NDUFB7: variants seen among roughly 807,000 people sequenced by gnomAD.
NDUFB7 encodes the protein NADH:ubiquinone oxidoreductase subunit B7, also known as NADH dehydrogenase [ubiquinone] 1 beta subcomplex subunit 7.
A neutral mutation model predicts 14.7 loss-of-function variants in NDUFB7; 18 were observed. The observed-to-expected ratio is 1.22, with a 90% CI of 0.85 to 1.81. NDUFB7 has a LOEUF of 1.81. Ranked by LOEUF, NDUFB7 falls within the 40% of genes most tolerant of loss-of-function variation. The probability of loss-of-function intolerance (pLI) is 0.00; values close to 1 mark genes in which losing one functional copy is unlikely to be tolerated. For missense variants in NDUFB7, 219 were observed against 195.0 expected (o/e 1.12, Z -0.73); for synonymous variants, 86 against 76.1 (o/e 1.13, Z -0.68).
intron 1 of NDUFB7, among the ~76,000 whole-genome samples, chr19:14,569,713 C>T (rs1305391307): frequency 6.6e-6 from 1 of 152,126 alleles, no homozygotes; most frequent in Non-Finnish European, 1.5e-5. Context: ...TATACCATCT[C>T]CCAACTTTCT....
At position 14,566,129 on chromosome 19, in the gene NDUFB7, C is replaced by T. The variant is rs10406588; in HGVS notation, c.*4G>A. The T allele has an allele frequency of 6.2e-3, 10,034 of 1,608,146 alleles. 564 individuals are homozygous for T. In the African/African-American group the frequency reaches 0.12, roughly 19 times the overall value. On this transcript the variant is annotated 3_prime_UTR_variant, in exon 3 of 3. Transcript: ENST00000215565. ...ACTGGTCCATAGGGTGGGGGGTGCA[C>T]CCCCTACAGGGCCACCTTGGGGTCC...
At chr19:14,571,840 G>C in intron 1 of NDUFB7, 49 bp downstream of exon 1, 1 of 1,551,710 alleles carries the variant, frequency 6.4e-7, no homozygotes, top group Non-Finnish European at 8.8e-7. Flanking sequence ...CAGGTGTTCA[G>C]GCACCCGCGC....
chr19:14,569,676 T>G (rs2074113580), intron 1 of NDUFB7, among the ~76,000 whole-genome samples: 1 of 152,198 alleles, frequency 6.6e-6, no homozygotes, highest in Non-Finnish European at 1.5e-5. Flanking sequence ...GCGGAAGGAC[T>G]ACCCGGAGTG....
chr19:14,567,004 C>T lies in NDUFB7; in HGVS notation c.113-71G>A, dbSNP rs911899380. The T allele has an allele frequency of 2.9e-5, 42 of 1,460,128 alleles. No homozygotes were observed. Among genetic ancestry groups the T allele is most frequent in the South Asian group, 6.5e-5 (5 of 77,350 alleles). The allele number at this position is 1,460,128 out of a possible 1,614,324, so 90.4% of individuals were successfully genotyped here. A position where few individuals can be genotyped will look rare whatever the true frequency, so the allele number is the denominator to read the frequency against. ...CCAATTCCGGGGATCCCCAGGGGAC[C>T]GAGGCACACGGCTTCAGGAAGGCAC... On this transcript the variant is annotated intron_variant, in intron 1 of 2. Coordinates refer to ENST00000215565, the MANE Select transcript of NDUFB7 (RefSeq NM_004146.6). This position sits in a 1 kb window ranked among gnomAD's most constrained non-coding sequence, Gnocchi z 5.1.
chr19:14,571,829 CCAGGTGTT>C (rs2074126707), intron 1 of NDUFB7, 52 bp downstream of exon 1: 3 of 1,502,412 alleles, frequency 2.0e-6, no homozygotes, highest in Non-Finnish European at 2.7e-6. Context: ...CCCTGGGGTG[CCAGGTGTT>C]CAGGCACCCG....
rs753382531 is a variant in NDUFB7, at chr19:14,566,122, G to T, written c.*11C>A. ...TTATTTGACTGGTCCATAGGGTGGG[G>T]GGTGCACCCCCTACAGGGCCACCTT... On this transcript the variant is annotated 3_prime_UTR_variant, in exon 3 of 3. Transcript: ENST00000215565. 6.2e-7 allele frequency: 1 copy of T among 1,605,986 alleles called. No individual in the cohort carries two copies. The highest frequency in any genetic ancestry group is 8.5e-7 in the Non-Finnish European group (1 of 1,176,228).
Position 14,571,950 on chromosome 19 carries a change from G to A in NDUFB7, c.51C>T (p.Pro17=), listed in dbSNP as rs2074127983. 1 of 1,611,476 alleles carries A rather than the reference G, an allele frequency of 6.2e-7. No homozygotes were observed. The highest frequency in any genetic ancestry group is 1.7e-5 in the Admixed American group (1 of 59,680). The change falls in exon 1 of 3, where the codon CCC becomes CCT. Residue 17 remains proline (P), a synonymous_variant. Coordinates refer to ENST00000215565, the MANE Select transcript of NDUFB7 (RefSeq NM_004146.6). The stretch of plus-strand genomic sequence containing the variant: ...GGAAGGTTGGCATCTGCAGGGGGTC[G>A]GGCTCCACCGAGGCATCGCCCAGGT... The part of the protein sequence containing the change: ...RRYLGDASVE[P]DPLQMPTFPP...
rs549959826 is a variant in NDUFB7, at chr19:14,571,834, T to C, written c.112+55A>G. On this transcript the variant is annotated intron_variant, in intron 1 of 2. Transcript: ENST00000215565. ...GGGGTGCCAGCCCTGGGGTGCCAGG[T>C]GTTCAGGCACCCGCGCCCCACGCCC... The C allele has an allele frequency of 3.4e-5, 51 of 1,508,110 alleles. 1 individual carries two copies. The East Asian group carries it at 1.2e-3, about 36-fold the overall frequency. The allele number at this position is 1,508,110 out of a possible 1,614,324, so 93.4% of individuals were successfully genotyped here.
chr19:14,569,099 G>A (rs182723280), intron 1 of NDUFB7, among the ~76,000 whole-genome samples: 126 of 152,092 alleles, frequency 8.3e-4, no homozygotes, highest in Middle Eastern at 3.4e-3. Context: ...CGCTTGAACC[G>A]GGAAGGCAGA....
At chr19:14,569,215 TAAGAGA>T (rs2074110539) in intron 1 of NDUFB7, among the ~76,000 whole-genome samples, 1 of 150,794 alleles carries the variant, frequency 6.6e-6, no homozygotes, top group African/African-American at 2.4e-5. Context: ...ATCCGGGAGG[TAAGAGA>T]AAGGCCAGGC....
Position 14,566,129 on chromosome 19 carries a change from C to A in NDUFB7, c.*4G>T. ...ACTGGTCCATAGGGTGGGGGGTGCACCCCCTACAGGGCCACCTTGGGGTCC... is the reference window on the plus strand; with the variant it reads ...ACTGGTCCATAGGGTGGGGGGTGCAACCCCTACAGGGCCACCTTGGGGTCC... On this transcript the variant is annotated 3_prime_UTR_variant, in exon 3 of 3. Coordinates refer to ENST00000215565, the MANE Select transcript of NDUFB7 (RefSeq NM_004146.6). The A allele has an allele frequency of 6.2e-7, 1 of 1,608,158 alleles. No homozygotes were observed. The highest frequency in any genetic ancestry group is 8.5e-7 in the Non-Finnish European group (1 of 1,177,290).
intron 1 of NDUFB7, among the ~76,000 whole-genome samples, chr19:14,568,713 C>T (rs1006151145): frequency 6.6e-5 from 10 of 152,196 alleles, no homozygotes; most frequent in Admixed American, 5.2e-4. Flanking sequence ...AGAAAGATCC[C>T]ATGTCCAGAA....
intron 2 of NDUFB7, 126 bp from the exon 3 acceptor site, chr19:14,566,391 G>A (rs1481630486): frequency 1.0e-5 from 15 of 1,480,046 alleles, no homozygotes; most frequent in East Asian, 4.6e-5. Context: ...ATGTCCGAGT[G>A]CCTGTGGCTT....
Position 14,567,667 on chromosome 19 carries a change from C to T in NDUFB7, c.113-734G>A, listed in dbSNP as rs1329900217. Among the ~76,000 whole-genome samples, 1 of 152,104 alleles carries T rather than the reference C, an allele frequency of 6.6e-6. No individual in the cohort carries two copies. The highest frequency in any genetic ancestry group is 1.5e-5 in the Non-Finnish European group (1 of 67,998). On this transcript the variant is annotated intron_variant, in intron 1 of 2. Transcript: ENST00000215565. This position sits in a 1 kb window ranked among gnomAD's most constrained non-coding sequence, Gnocchi z 5.1. ...ATCCTGCACTCGTTCCCCACCGCCT[C>T]CCTCAGACCCAGCCTCCCTAGCCCT...
chr19:14,571,957 A>T lies in NDUFB7; in HGVS notation c.44T>A (p.Val15Glu). The part of the protein sequence containing the change: ...LVRRYLGDAS[V>E]EPDPLQMPTF... The stretch of plus-strand genomic sequence containing the variant: ...TGGCATCTGCAGGGGGTCGGGCTCC[A>T]CCGAGGCATCGCCCAGGTAGCGCCG... The change falls in exon 1 of 3, where the codon GTG becomes GAG. Residue 15 changes from valine to glutamate, a missense_variant. Physicochemically the swap from Val to Glu is moderately radical, Grantham distance 121. Transcript: ENST00000215565. The T allele has an allele frequency of 6.2e-7, 1 of 1,611,346 alleles. No homozygotes were observed. Among genetic ancestry groups the T allele is most frequent in the Non-Finnish European group, 8.5e-7 (1 of 1,179,180 alleles).
Position 14,566,246 on chromosome 19 carries a change from CCTT to C in NDUFB7, c.298_300del (p.Lys100del), listed in dbSNP as rs2074082104. On this transcript the variant is annotated inframe_deletion, in exon 3 of 3. Coordinates refer to ENST00000215565, the MANE Select transcript of NDUFB7 (RefSeq NM_004146.6). ...AGCAGCCTCCGCTCCCGCTCAAACT[CCTT>C]CATGCGCATCACATAGCTGGGGGAA... The C allele has an allele frequency of 6.2e-7, 1 of 1,613,974 alleles. No individual in the cohort carries two copies. The highest frequency in any genetic ancestry group is 1.3e-5 in the African/African-American group (1 of 74,936).
chr19:14,566,867 G>C lies in NDUFB7; in HGVS notation c.179C>G (p.Ala60Gly), dbSNP rs746847687. ...CTTGAGCAGCCGGATGAGGTGGTGG[G>C]CGCAGTAGTCCCGCAGCTGGAGCCT... ...QLRLQLRDYCAHHLIRLLKCK... is the reference protein window; with the variant it reads ...QLRLQLRDYCGHHLIRLLKCK... The change falls in exon 2 of 3, where the codon GCC (alanine) becomes GGC (glycine). Residue 60 changes from alanine to glycine, a missense_variant. Physicochemically the swap from Ala to Gly is moderately conservative, Grantham distance 60. Coordinates refer to ENST00000215565, the MANE Select transcript of NDUFB7 (RefSeq NM_004146.6). 6.4e-7 allele frequency: 1 copy of C among 1,573,620 alleles called. No individual in the cohort carries two copies. The highest frequency in any genetic ancestry group is 8.6e-7 in the Non-Finnish European group (1 of 1,162,284).
intron 1 of NDUFB7, among the ~76,000 whole-genome samples, chr19:14,568,281 G>A (rs1348477492): frequency 1.3e-5 from 2 of 152,136 alleles, no homozygotes; most frequent in East Asian, 3.9e-4. Flanking sequence ...CTGACCTCAG[G>A]TGATCCACCC....
Position 14,567,736 on chromosome 19 carries a change from C to T in NDUFB7, c.113-803G>A, listed in dbSNP as rs1165309462. ...TTTCTCGGTCCCAGCTCCTTCCCAT[C>T]TGCGCAAGTGAGACGAGATATATTC... On this transcript the variant is annotated intron_variant, in intron 1 of 2. Transcript: ENST00000215565. The surrounding 1 kb of genome is among the most constrained non-coding windows in gnomAD (Gnocchi z 5.1). Among the ~76,000 whole-genome samples the T allele has an allele frequency of 6.6e-6, 1 of 152,152 alleles. No homozygotes were observed. The highest frequency in any genetic ancestry group is 1.5e-5 in the Non-Finnish European group (1 of 68,022).
Sources: gnomAD v4.1 joint callset for allele counts (sites outside exome capture counted in the v4.1 genomes callset) on GRCh38, gnomAD v4.1.1 for gene constraint, Gnocchi (gnomAD v3.1) non-coding constraint, MANE v1.5 for transcripts, NCBI Gene and HGNC (gene_info 2026-07-23, HGNC 2026-07-21) for gene names.